The following SH3GL3 variants were observed in gnomAD, a reference collection of about 807,000 sequenced individuals.
SH3GL3 encodes endophilin-A3.
In SH3GL3, 33 loss-of-function variants were observed where a neutral mutation model predicts 47.7. That is an observed-to-expected ratio of 0.69 (90% CI 0.52 to 0.92). The LOEUF is 0.92. Ranked by LOEUF, SH3GL3 falls within the 40% of genes least tolerant of loss-of-function variation. SH3GL3 has a pLI of 0.00. For synonymous variants in SH3GL3, 155 were observed against 148.8 expected (o/e 1.04, Z -0.30); for missense variants, 363 against 417.8 (o/e 0.87, Z 1.14).
At chr15:83,460,822 C>T (rs570947644) in intron 1 of SH3GL3, among the ~76,000 whole-genome samples, 1 of 152,126 alleles carries the variant, frequency 6.6e-6, no homozygotes, top group African/African-American at 2.4e-5. Flanking sequence ...CGGTGGCTTA[C>T]ACCTGTAATC....
intron 1 of SH3GL3, among the ~76,000 whole-genome samples, chr15:83,493,614 C>A (rs1427342141): frequency 3.3e-5 from 5 of 152,150 alleles, no homozygotes; most frequent in Non-Finnish European, 7.3e-5. Context: ...TTTGGCATCA[C>A]CCAGACCTGC....
At chr15:83,565,344 TC>T in intron 3 of SH3GL3, 138 bp downstream of exon 3, 1 of 664,176 alleles carries the variant, frequency 1.5e-6, no homozygotes, top group Non-Finnish European at 2.7e-6. Context: ...AAGCTGAGTC[TC>T]CAGTGACCAA....
At chr15:83,505,523 C>CTTT (rs35112953) in intron 1 of SH3GL3, among the ~76,000 whole-genome samples, 29 of 92,024 alleles carry the variant, frequency 3.2e-4, no homozygotes, top group Non-Finnish European at 4.4e-4. Context: ...CTTGAATTTC[C>CTTT]TTTTTTTTTT....
chr15:83,552,324 T>C (rs535828636), intron 1 of SH3GL3, among the ~76,000 whole-genome samples: 8 of 152,370 alleles, frequency 5.3e-5, no homozygotes, highest in East Asian at 1.9e-4. Flanking sequence ...TTTAGCTGCA[T>C]ACCACAGATT....
At chr15:83,533,900 A>G (rs777398813) in intron 1 of SH3GL3, among the ~76,000 whole-genome samples, 1 of 152,172 alleles carries the variant, frequency 6.6e-6, no homozygotes, top group Non-Finnish European at 1.5e-5. Context: ...TACTTGACTC[A>G]TGCAATGTAC....
rs1740379248 is a variant in SH3GL3, at chr15:83,565,181, C to T, written c.162C>T (p.Thr54=). Residue 54 remains threonine, a synonymous_variant, in exon 3 of 9, where the codon ACC becomes ACT. Coordinates refer to ENST00000427482, the MANE Select transcript of SH3GL3 (RefSeq NM_003027.5). The part of the protein sequence containing the change: ...NKVVAEILSK[T]TEYLQPNPAY... Reference sequence around the variant, plus strand: ...TTGTTGCAGAAATTCTTTCAAAAACCACTGAATATCTTCAGCCAAATCCAG... The same window carrying T: ...TTGTTGCAGAAATTCTTTCAAAAACTACTGAATATCTTCAGCCAAATCCAG... 1.3e-6 allele frequency: 2 copies of T among 1,580,756 alleles called. No homozygotes were observed. The highest frequency in any genetic ancestry group is 1.7e-6 in the Non-Finnish European group (2 of 1,154,066).
chr15:83,578,246 T>C (rs2151785941), intron 6 of SH3GL3, among the ~76,000 whole-genome samples: 1 of 152,298 alleles, frequency 6.6e-6, no homozygotes, highest in South Asian at 2.1e-4. Context: ...GCACTTTGAC[T>C]GCCTGAGTGG....
At position 83,487,306 on chromosome 15, in the gene SH3GL3, C is replaced by T. The variant is rs1006958321; in HGVS notation, c.45+39728C>T. Among the ~76,000 whole-genome samples, 5 of 151,484 alleles carry T rather than the reference C, an allele frequency of 3.3e-5. No individual in the cohort carries two copies. The East Asian group carries it at 9.8e-4, about 30-fold the overall frequency. On this transcript the variant is annotated intron_variant, in intron 1 of 8. Coordinates refer to ENST00000427482, the MANE Select transcript of SH3GL3 (RefSeq NM_003027.5). ...TCAGTCGTCCCATCTTTTGGCTTGGCCTGATTGTTTCCTCTTGTTCTTCTT... is the reference window on the plus strand; with the variant it reads ...TCAGTCGTCCCATCTTTTGGCTTGGTCTGATTGTTTCCTCTTGTTCTTCTT...
the SH3GL3 span, among the ~76,000 whole-genome samples, chr15:83,627,673 G>T: frequency 6.6e-6 from 1 of 152,128 alleles, no homozygotes; most frequent in African/African-American, 2.4e-5. Flanking sequence ...AGGGCCTTGG[G>T]CCTTGATATG....
intron 8 of SH3GL3, among the ~76,000 whole-genome samples, chr15:83,616,140 A>G (rs74667544): frequency 0.014 from 2,136 of 152,140 alleles, 45 homozygotes; most frequent in African/African-American, 0.048. Flanking sequence ...AAGGGTAAAT[A>G]TGTGTAGTAT....
At chr15:83,553,398 T>G (rs950156916) in intron 1 of SH3GL3, among the ~76,000 whole-genome samples, 14 of 152,216 alleles carry the variant, frequency 9.2e-5, no homozygotes, top group Admixed American at 8.5e-4. Flanking sequence ...TTATTTAGTA[T>G]GTTGAATTTA....
intron 4 of SH3GL3, among the ~76,000 whole-genome samples, chr15:83,572,219 T>C (rs935425493): frequency 6.6e-6 from 1 of 152,226 alleles, no homozygotes; most frequent in Non-Finnish European, 1.5e-5. Flanking sequence ...ACAAAGAGAT[T>C]TTATTCTCAA....
intron 5 of SH3GL3, 97 bp downstream of exon 5, chr15:83,572,795 T>G: frequency 2.3e-6 from 2 of 857,676 alleles, no homozygotes; most frequent in Non-Finnish European, 3.6e-6. Flanking sequence ...AGCATCATCT[T>G]ATGATGCTTG....
At chr15:83,600,188 G>C (rs939371133) in intron 8 of SH3GL3, among the ~76,000 whole-genome samples, 12 of 152,100 alleles carry the variant, frequency 7.9e-5, no homozygotes, top group Admixed American at 4.6e-4. Flanking sequence ...AAGCTCTTTA[G>C]TTTAATTAAG....
At chr15:83,480,244 T>G (rs2041288238) in intron 1 of SH3GL3, among the ~76,000 whole-genome samples, 1 of 152,230 alleles carries the variant, frequency 6.6e-6, no homozygotes, top group Admixed American at 6.5e-5. Flanking sequence ...TTTTGTTCCT[T>G]TGGAGTCTGT....
At chr15:83,462,594 G>C (rs540817141) in intron 1 of SH3GL3, among the ~76,000 whole-genome samples, 3 of 152,250 alleles carry the variant, frequency 2.0e-5, no homozygotes, top group Non-Finnish European at 4.4e-5. Flanking sequence ...TTGCCCTTAG[G>C]CTTGGCAGAA....
At chr15:83,549,220 G>C (rs1489264332) in intron 1 of SH3GL3, among the ~76,000 whole-genome samples, 1 of 152,092 alleles carries the variant, frequency 6.6e-6, no homozygotes, top group Non-Finnish European at 1.5e-5. Flanking sequence ...TCAATACTGG[G>C]ATTACCTGTT....
In SH3GL3 at chr15:83,576,748, A is replaced by G. The variant is rs2059692145; in HGVS notation, c.624+7A>G. 1 of 1,562,728 alleles carries G rather than the reference A, an allele frequency of 6.4e-7. No individual in the cohort carries two copies. Among genetic ancestry groups the G allele is most frequent in the African/African-American group, 1.4e-5 (1 of 72,922 alleles). On this transcript the variant is annotated splice_region_variant and intron_variant, in intron 6 of 8. Transcript: ENST00000427482. ...TAACTTTTTAGAAAATGATGTAAGT[A>G]TTTAAACCAAATAGGAGATTTTAAT...
intron 1 of SH3GL3, among the ~76,000 whole-genome samples, chr15:83,539,428 ATCT>A (rs1224984326): frequency 1.3e-5 from 2 of 152,194 alleles, no homozygotes; most frequent in African/African-American, 4.8e-5. Context: ...ATGGCCTATC[ATCT>A]TCTGAAGACT....
Sources: gnomAD v4.1 joint callset for allele counts (sites outside exome capture counted in the v4.1 genomes callset) on GRCh38, gnomAD v4.1.1 for gene constraint, MANE v1.5 for transcripts, NCBI Gene and HGNC (gene_info 2026-07-23, HGNC 2026-07-21) for gene names.